The following PEX13 variants were observed in gnomAD, a reference collection of about 807,000 sequenced individuals.
The protein encoded by PEX13 is peroxisomal biogenesis factor 13, also known as peroxisome biogenesis factor 13.
A neutral mutation model predicts 34.5 loss-of-function variants in PEX13; 28 were observed. That is an observed-to-expected ratio of 0.81 (90% CI 0.60 to 1.11). The LOEUF (loss-of-function observed/expected upper bound fraction) is 1.11, where lower values mean the gene tolerates loss of function less well. Among genes scored for constraint, PEX13 ranks in the 50% most tolerant of loss-of-function variants. The probability of loss-of-function intolerance (pLI) is 0.00; values close to 1 mark genes in which losing one functional copy is unlikely to be tolerated. For synonymous variants in PEX13, 177 were observed against 175.1 expected (o/e 1.01, Z -0.09); for missense variants, 550 against 491.0 (o/e 1.12, Z -1.13).
rs576400403 is a variant in PEX13, at chr2:61,018,219, T to C, written c.92+368T>C. ...GGTCTGTAGCAGTTGAGAGCGGCAT[T>C]TGTCCAGCCACGGCATCGACAGGGA... On this transcript the variant is annotated intron_variant, in intron 1 of 3. Coordinates refer to ENST00000295030, the MANE Select transcript of PEX13 (RefSeq NM_002618.4). 402 of 1,551,032 alleles carry C rather than the reference T, an allele frequency of 2.6e-4. 2 individuals are homozygous for C. The South Asian group carries it at 4.5e-3, about 17-fold the overall frequency.
At chr2:61,042,940 C>A (rs752547707) in intron 2 of PEX13, among the ~76,000 whole-genome samples, 14 of 152,130 alleles carry the variant, frequency 9.2e-5, no homozygotes, top group Non-Finnish European at 1.6e-4. Flanking sequence ...TTAATACTTG[C>A]TAAATCTGTT....
intron 1 of PEX13, among the ~76,000 whole-genome samples, chr2:61,025,433 A>C (rs1573549768): frequency 6.6e-6 from 1 of 152,074 alleles, no homozygotes; most frequent in Non-Finnish European, 1.5e-5. Flanking sequence ...ATCTCGGCTC[A>C]CTACAACCCC....
chr2:61,035,143 G>A (rs1680514988), intron 2 of PEX13, among the ~76,000 whole-genome samples: 2 of 152,204 alleles, frequency 1.3e-5, no homozygotes, highest in Middle Eastern at 3.2e-3. Context: ...AGCAATATTT[G>A]CTGTTCTACA....
intron 1 of PEX13, among the ~76,000 whole-genome samples, chr2:61,026,453 A>T (rs1023423473): frequency 1.3e-5 from 2 of 150,686 alleles, no homozygotes; most frequent in African/African-American, 2.4e-5. Flanking sequence ...GGTTCAAGCA[A>T]TTCTCTGCCT....
chr2:61,036,892 G>A (rs1475246788), intron 2 of PEX13, among the ~76,000 whole-genome samples: 2 of 152,016 alleles, frequency 1.3e-5, no homozygotes, highest in Non-Finnish European at 2.9e-5. Context: ...CCCATCTCTT[G>A]TTCAAAGACA....
At chr2:61,032,917 T>C (rs938805473) in intron 2 of PEX13, among the ~76,000 whole-genome samples, 1 of 152,232 alleles carries the variant, frequency 6.6e-6, no homozygotes, top group Non-Finnish European at 1.5e-5. Context: ...TCCTATAGTA[T>C]TGCATTGGAT....
At position 61,023,859 on chromosome 2, in the gene PEX13, A is replaced by C. The variant is rs1255469166; in HGVS notation, c.92+6008A>C. On this transcript the variant is annotated intron_variant, in intron 1 of 3. Transcript: ENST00000295030. ...TCACCAGGCTGGAGTGTGGTGACGC[A>C]ATCACACCTCACTGCAGCTTCCATC... 4.0e-5 allele frequency among the ~76,000 whole-genome samples: 6 copies of C among 151,554 alleles called. No individual in the cohort carries two copies. In the East Asian group the frequency reaches 9.7e-4, roughly 25 times the overall value.
chr2:61,031,650 C>G lies in PEX13; in HGVS notation c.324C>G (p.Leu108=). ...YGYNGLGYNR[L]RVDDLPPSRF... ...ATAATGGGCTGGGCTACAACCGCCT[C>G]CGTGTAGATGATCTTCCACCCAGTA... Residue 108 remains leucine (L), a synonymous_variant, in exon 2 of 4, where the codon CTC becomes CTG. Transcript: ENST00000295030. The G allele has an allele frequency of 6.2e-7, 1 of 1,614,134 alleles. No individual in the cohort carries two copies. The highest frequency in any genetic ancestry group is 8.5e-7 in the Non-Finnish European group (1 of 1,180,010).
At position 61,050,019 on chromosome 2, in the gene PEX13, A is replaced by G. The variant is rs1332857989; in HGVS notation, c.*1249A>G. The G allele has an allele frequency of 2.0e-5, 3 of 152,272 alleles. No homozygotes were observed. The highest frequency in any genetic ancestry group is 4.8e-5 in the African/African-American group (2 of 41,436). 9.4% of individuals were successfully genotyped at this position (152,272 alleles called of 1,614,324 possible). ...TCTGTAAATATTGAAAATGTGTCAC[A>G]TTGGATACATTTTTCTTTTAGGTTT... On this transcript the variant is annotated 3_prime_UTR_variant, in exon 4 of 4. Coordinates refer to ENST00000295030, the MANE Select transcript of PEX13 (RefSeq NM_002618.4).
Position 61,026,878 on chromosome 2 carries a change from G to T in PEX13, c.93-4541G>T, listed in dbSNP as rs555304581. 7.9e-5 allele frequency among the ~76,000 whole-genome samples: 12 copies of T among 151,984 alleles called. No individual in the cohort carries two copies. The East Asian group carries it at 1.7e-3, about 22-fold the overall frequency. On this transcript the variant is annotated intron_variant, in intron 1 of 3. Transcript: ENST00000295030. The stretch of plus-strand genomic sequence containing the variant: ...GTGTTTTTATTTCTTCATGTGTGTG[G>T]CATTTTTGAGATGGTCATTTTGAGT...
At chr2:61,023,231 C>T (rs1312313049) in intron 1 of PEX13, among the ~76,000 whole-genome samples, 1 of 152,076 alleles carries the variant, frequency 6.6e-6, no homozygotes, top group Non-Finnish European at 1.5e-5. Flanking sequence ...TCTCGAACTC[C>T]TGGGCTCAAG....
chr2:61,018,417 A>C lies in PEX13; in HGVS notation c.92+566A>C, dbSNP rs527500215. ...CTTTAAAGCAGGAGTTCTAGATCTG[A>C]GGCCTATGGATGGACTTTGTGTGCA... On this transcript the variant is annotated intron_variant, in intron 1 of 3. Transcript: ENST00000295030. The C allele has an allele frequency of 9.6e-6, 11 of 1,151,306 alleles. No individual in the cohort carries two copies. In the East Asian group the frequency reaches 1.3e-4, roughly 14 times the overall value. 71.3% of individuals were successfully genotyped at this position (1,151,306 alleles called of 1,614,324 possible).
At chr2:61,037,099 T>C (rs1240062556) in intron 2 of PEX13, among the ~76,000 whole-genome samples, 1 of 152,190 alleles carries the variant, frequency 6.6e-6, no homozygotes, top group African/African-American at 2.4e-5. Context: ...ATGCATCCAA[T>C]ACAGGAGCAC....
intron 1 of PEX13, among the ~76,000 whole-genome samples, chr2:61,025,367 T>TTATTATC (rs1680336398): frequency 6.7e-6 from 1 of 150,218 alleles, no homozygotes; most frequent in Non-Finnish European, 1.5e-5. Flanking sequence ...TCATTATTAT[T>TTATTATC]ATTATTATTA....
At chr2:61,034,590 G>T (rs1387005920) in intron 2 of PEX13, among the ~76,000 whole-genome samples, 1 of 152,186 alleles carries the variant, frequency 6.6e-6, no homozygotes, top group Non-Finnish European at 1.5e-5. Context: ...TGGAGGAATG[G>T]TACACTCCTG....
chr2:61,049,323 T>A lies in PEX13; in HGVS notation c.*553T>A, dbSNP rs913976804. 6.5e-6 allele frequency: 1 copy of A among 153,270 alleles called. No individual in the cohort carries two copies. The highest frequency in any genetic ancestry group is 2.4e-5 in the African/African-American group (1 of 41,466). 9.5% of individuals were successfully genotyped at this position (153,270 alleles called of 1,614,324 possible). ...ACACTGCTATCTTTTACTGTATTTT[T>A]AAAAATTTAATTTGAAAAGGTCACC... is the stretch of plus-strand genomic sequence containing the variant. On this transcript the variant is annotated 3_prime_UTR_variant, in exon 4 of 4. Coordinates refer to ENST00000295030, the MANE Select transcript of PEX13 (RefSeq NM_002618.4).
At chr2:61,043,836 A>AT (rs1359714573) in intron 2 of PEX13, among the ~76,000 whole-genome samples, 3 of 151,928 alleles carry the variant, frequency 2.0e-5, no homozygotes, top group African/African-American at 7.3e-5. Context: ...GTTTTATTTT[A>AT]TTTTTTTTGA....
chr2:61,030,048 T>C (rs940650492), intron 1 of PEX13, among the ~76,000 whole-genome samples: 12 of 152,144 alleles, frequency 7.9e-5, no homozygotes, highest in Non-Finnish European at 1.3e-4. Context: ...TTTTGGTATC[T>C]GAAGGAGATT....
At position 61,031,460 on chromosome 2, in the gene PEX13, A is replaced by G. The variant is rs1680448156; in HGVS notation, c.134A>G (p.Gln45Arg). Reference sequence around the variant, plus strand: ...CCTACTTTAATGACAAGACCTGGACAACCAGCACTTACCAGAGTGCCCCCA... The same window carrying G: ...CCTACTTTAATGACAAGACCTGGACGACCAGCACTTACCAGAGTGCCCCCA... ...LGPTLMTRPG[Q>R]PALTRVPPPI... is the part of the protein sequence containing the mutation. Residue 45 changes from glutamine (Q) to arginine (R), a missense_variant, in exon 2 of 4, where the codon CAA (glutamine) becomes CGA (arginine). Physicochemically the swap from Gln to Arg is conservative, Grantham distance 43. Coordinates refer to ENST00000295030, the MANE Select transcript of PEX13 (RefSeq NM_002618.4). 2 of 1,614,224 alleles carry G rather than the reference A, an allele frequency of 1.2e-6. No homozygotes were observed. Among genetic ancestry groups the G allele is most frequent in the Non-Finnish European group, 1.7e-6 (2 of 1,180,024 alleles).
Sources: gnomAD v4.1 joint callset for allele counts (sites outside exome capture counted in the v4.1 genomes callset) on GRCh38, gnomAD v4.1.1 for gene constraint, MANE v1.5 for transcripts, NCBI Gene and HGNC (gene_info 2026-07-23, HGNC 2026-07-21) for gene names.